The following CSMD1 variants were observed in gnomAD, a reference collection of about 807,000 sequenced individuals.
CSMD1 encodes CUB and sushi domain-containing protein 1.
CSMD1 carries 213 observed loss-of-function variants against 417.5 expected under a neutral mutation model. That is an observed-to-expected ratio of 0.51 (90% CI 0.46 to 0.57). The LOEUF is 0.57. CSMD1 is among the 20% of genes least tolerant of loss of function. CSMD1 has a pLI of 0.00. For synonymous variants in CSMD1, 2,862 were observed against 1,736.8 expected (o/e 1.65, Z -16.11); for missense variants, 6,923 against 4,529.7 (o/e 1.53, Z -15.17).
chr8:3,240,642 G>T (rs1363312800), intron 26 of CSMD1, among the ~76,000 whole-genome samples: 1 of 152,142 alleles, frequency 6.6e-6, no homozygotes, highest in Non-Finnish European at 1.5e-5. Flanking sequence ...CAGTCCAAGA[G>T]AAAGTGAAGA....
chr8:3,505,424 C>T (rs1447960079), intron 10 of CSMD1, among the ~76,000 whole-genome samples: 2 of 151,982 alleles, frequency 1.3e-5, no homozygotes, highest in African/African-American at 4.8e-5. Flanking sequence ...GGCGCAGAAT[C>T]AATAATTAGA....
chr8:4,317,872 T>C (rs1226599620), intron 3 of CSMD1, among the ~76,000 whole-genome samples: 1 of 152,196 alleles, frequency 6.6e-6, no homozygotes, highest in Admixed American at 6.5e-5. Context: ...TTTGGCAGGA[T>C]GAAAATATGT....
At chr8:4,478,793 T>C (rs1297762887) in intron 2 of CSMD1, among the ~76,000 whole-genome samples, 1 of 152,216 alleles carries the variant, frequency 6.6e-6, no homozygotes, top group African/African-American at 2.4e-5. Context: ...ATTCAAAATA[T>C]TTAAATATTC....
At chr8:3,759,299 A>G (rs951673271) in intron 5 of CSMD1, among the ~76,000 whole-genome samples, 7 of 152,224 alleles carry the variant, frequency 4.6e-5, no homozygotes, top group Non-Finnish European at 8.8e-5. Flanking sequence ...ATGATCTAGA[A>G]TGATCCTGAG....
chr8:3,587,020 C>G (rs11777490), intron 8 of CSMD1, among the ~76,000 whole-genome samples: 113,774 of 151,822 alleles, frequency 0.75, 43,736 homozygotes, highest in Non-Finnish European at 0.84. Flanking sequence ...GGCTGGTCTT[C>G]AACTCCTGAC....
At chr8:4,535,046 C>A (rs893317224) in intron 2 of CSMD1, among the ~76,000 whole-genome samples, 1 of 152,188 alleles carries the variant, frequency 6.6e-6, no homozygotes, top group Admixed American at 6.5e-5. Flanking sequence ...CAGGCGTGAG[C>A]CACCACGCCT....
intron 2 of CSMD1, among the ~76,000 whole-genome samples, chr8:4,473,280 A>C (rs2130068673): frequency 6.6e-6 from 1 of 152,358 alleles, no homozygotes; most frequent in Non-Finnish European, 1.5e-5. Context: ...TTTCGGATTT[A>C]GAAATATGAC....
intron 5 of CSMD1, among the ~76,000 whole-genome samples, chr8:3,924,252 T>C (rs891933490): frequency 1.3e-5 from 2 of 152,212 alleles, no homozygotes; most frequent in Admixed American, 6.5e-5. Flanking sequence ...GATGTTCTTG[T>C]AGGGATACCT....
In CSMD1 at chr8:4,974,738, C is replaced by T. The variant is rs371427363; in HGVS notation, c.85+19594G>A. Reference sequence around the variant, plus strand: ...CACCTTTGGTCTTTGCTCTGCAATCCACAATATCTGACTAGAAGGTGATTT... The same window carrying T: ...CACCTTTGGTCTTTGCTCTGCAATCTACAATATCTGACTAGAAGGTGATTT... On this transcript the variant is annotated intron_variant, in intron 1 of 69. Coordinates refer to ENST00000635120, the MANE Select transcript of CSMD1 (RefSeq NM_033225.6). 3.9e-5 allele frequency among the ~76,000 whole-genome samples: 6 copies of T among 152,072 alleles called. No homozygotes were observed. In the East Asian group the frequency reaches 7.7e-4, roughly 20 times the overall value.
At chr8:3,393,243 C>A (rs1811454734) in intron 17 of CSMD1, among the ~76,000 whole-genome samples, 2 of 152,204 alleles carry the variant, frequency 1.3e-5, no homozygotes, top group African/African-American at 4.8e-5. Flanking sequence ...TTTGAAGTCA[C>A]AGTGCTGGAA....
chr8:4,694,652 C>T (rs994657770), intron 1 of CSMD1, among the ~76,000 whole-genome samples: 2 of 151,968 alleles, frequency 1.3e-5, no homozygotes, highest in Non-Finnish European at 2.9e-5. Flanking sequence ...CGTGAGTCAC[C>T]GCGCCCAGCC....
chr8:3,740,371 C>T (rs570698983), intron 6 of CSMD1, among the ~76,000 whole-genome samples: 1 of 152,116 alleles, frequency 6.6e-6, no homozygotes, highest in Non-Finnish European at 1.5e-5. Flanking sequence ...TTGGGCAGCA[C>T]AAATTTAAAG....
chr8:3,659,918 A>T (rs191206744), intron 7 of CSMD1, among the ~76,000 whole-genome samples: 2 of 152,326 alleles, frequency 1.3e-5, no homozygotes, highest in East Asian at 3.9e-4. Context: ...AAGAAAGAGC[A>T]TATCTTCATT....
At chr8:4,337,174 G>A (rs1444637591) in intron 3 of CSMD1, among the ~76,000 whole-genome samples, 1 of 152,056 alleles carries the variant, frequency 6.6e-6, no homozygotes, top group Non-Finnish European at 1.5e-5. Flanking sequence ...CTATACCTCT[G>A]TTTGCAACAG....
intron 10 of CSMD1, among the ~76,000 whole-genome samples, chr8:3,561,890 G>A (rs1248764713): frequency 6.6e-6 from 1 of 152,186 alleles, no homozygotes; most frequent in East Asian, 1.9e-4. Flanking sequence ...CACAGACAGA[G>A]GAAGCCATGC....
chr8:4,001,375 C>T (rs900981009), intron 4 of CSMD1, among the ~76,000 whole-genome samples: 6 of 152,116 alleles, frequency 3.9e-5, no homozygotes, highest in East Asian at 1.9e-4. Context: ...CTGGTTTCTC[C>T]ACTGCTGGAA....
rs766900418 is a variant in CSMD1 at position 3,029,413 on chromosome 8, G to A, written c.7761C>T (p.Ser2587=). 6.2e-7 allele frequency: 1 copy of A among 1,611,844 alleles called. No homozygotes were observed. Among genetic ancestry groups the A allele is most frequent in the East Asian group, 2.2e-5 (1 of 44,810 alleles). Reference sequence around the variant, plus strand: ...CTTCTAAGTAGTAACCAGGACTGCAGCTCAGCAATACTTGAGCACCGTACT... The same window carrying A: ...CTTCTAAGTAGTAACCAGGACTGCAACTCAGCAATACTTGAGCACCGTACT... ...LNEYGAQVLL[S]CSPGYYLEGW... Residue 2587 remains serine (S), a synonymous_variant, in exon 51 of 70, where the codon AGC becomes AGT. Coordinates refer to ENST00000635120, the MANE Select transcript of CSMD1 (RefSeq NM_033225.6).
chr8:4,035,885 A>G (rs1797589925), intron 3 of CSMD1, among the ~76,000 whole-genome samples: 1 of 152,170 alleles, frequency 6.6e-6, no homozygotes, highest in Non-Finnish European at 1.5e-5. Context: ...CGAAGCCTTC[A>G]CAGTCACCCC....
At chr8:3,950,699 A>G (rs1811543102) in intron 5 of CSMD1, among the ~76,000 whole-genome samples, 1 of 152,190 alleles carries the variant, frequency 6.6e-6, no homozygotes, top group African/African-American at 2.4e-5. Flanking sequence ...ATTATGGAGC[A>G]CAGGATAAAA....
Sources: allele counts gnomAD v4.1 joint callset (sites outside exome capture counted in the v4.1 genomes callset), GRCh38; gene constraint gnomAD v4.1.1; transcripts MANE v1.5; gene names NCBI Gene and HGNC (gene_info 2026-07-23, HGNC 2026-07-21).